Variants in IQCH observed in about 807,000 individuals in gnomAD.
IQCH encodes IQ domain-containing protein H.
In IQCH, 98 loss-of-function variants were observed where a neutral mutation model predicts 117.0. The observed-to-expected ratio is 0.84, with a 90% CI of 0.71 to 0.99. The LOEUF (loss-of-function observed/expected upper bound fraction) is 0.99, where lower values mean the gene tolerates loss of function less well. Among genes scored for constraint, IQCH ranks in the 50% least tolerant of loss-of-function variants. The pLI is 0.00. For missense variants in IQCH, 1,102 were observed against 1,243.8 expected (o/e 0.89, Z 1.72); for synonymous variants, 412 against 448.2 (o/e 0.92, Z 1.02).
intron 5 of IQCH, among the ~76,000 whole-genome samples, chr15:67,339,509 T>A (rs1042073989): frequency 2.0e-5 from 3 of 152,204 alleles, no homozygotes; most frequent in Non-Finnish European, 2.9e-5. Flanking sequence ...TTTATTTTCA[T>A]GTCTATAGAT....
At chr15:67,497,024 CAAAAAAA>C (rs753821092) in intron 20 of IQCH, among the ~76,000 whole-genome samples, 29 of 35,818 alleles carry the variant, frequency 8.1e-4, no homozygotes, top group East Asian at 1.4e-3. Flanking sequence ...GACTCCGTCT[CAAAAAAA>C]AAAAAAAAAA....
chr15:67,342,856 ATC>A lies in IQCH; in HGVS notation c.509-1204_509-1203del, dbSNP rs1969231915. ...TTCTCTAACTTCAGCGCACATGAAT[ATC>A]TCCTGGAGCCTTCAATAATGCAGAT... is the stretch of plus-strand genomic sequence containing the variant. On this transcript the variant is annotated intron_variant, in intron 5 of 20. Transcript: ENST00000335894. This position sits in a 1 kb window ranked among gnomAD's most constrained non-coding sequence, Gnocchi z 4.7. Among the ~76,000 whole-genome samples, 1 of 152,132 alleles carries A rather than the reference ATC, an allele frequency of 6.6e-6. No individual in the cohort carries two copies. Among genetic ancestry groups the A allele is most frequent in the Non-Finnish European group, 1.5e-5 (1 of 68,030 alleles).
In IQCH at chr15:67,254,813, GC is replaced by G; in HGVS notation, c.-82del. On this transcript the variant is annotated 5_prime_UTR_variant, in exon 1 of 21. Coordinates refer to ENST00000335894, the MANE Select transcript of IQCH (RefSeq NM_001031715.3). ...AACAGGCCAGGTCGCGCGCGGTGTT[GC>G]CATGGGGACGAGCGGCTCCGGCTGA... The G allele has an allele frequency of 6.8e-7, 1 of 1,466,866 alleles. No individual in the cohort carries two copies. The highest frequency in any genetic ancestry group is 9.4e-7 in the Non-Finnish European group (1 of 1,064,176). 90.9% of individuals were successfully genotyped at this position (1,466,866 alleles called of 1,614,324 possible).
chr15:67,320,688 A>G (rs1968075626), intron 4 of IQCH, among the ~76,000 whole-genome samples: 1 of 152,210 alleles, frequency 6.6e-6, no homozygotes, highest in Non-Finnish European at 1.5e-5. Flanking sequence ...TCTTTTATTA[A>G]TAGCTTTACA....
Position 67,411,035 on chromosome 15 carries a change from C to G in IQCH, c.2098-5896C>G, listed in dbSNP as rs2081436738. On this transcript the variant is annotated intron_variant, in intron 14 of 20. Coordinates refer to ENST00000335894, the MANE Select transcript of IQCH (RefSeq NM_001031715.3). This position sits in a 1 kb window ranked among gnomAD's most constrained non-coding sequence, Gnocchi z 4.4. ...AATGTAAACCACCCCCACCCCACCCCTGCACATGCCTACCATATGGTGAGC... is the reference window on the plus strand; with the variant it reads ...AATGTAAACCACCCCCACCCCACCCGTGCACATGCCTACCATATGGTGAGC... 6.6e-6 allele frequency among the ~76,000 whole-genome samples: 1 copy of G among 152,208 alleles called. No homozygotes were observed. Among genetic ancestry groups the G allele is most frequent in the African/African-American group, 2.4e-5 (1 of 41,438 alleles).
intron 2 of IQCH, among the ~76,000 whole-genome samples, chr15:67,262,865 G>C (rs942181968): frequency 6.6e-6 from 1 of 151,910 alleles, no homozygotes; most frequent in Admixed American, 6.6e-5. Flanking sequence ...CTGGGCAACA[G>C]AGCAAGACCC....
At chr15:67,345,311 C>T (rs559107403) in intron 6 of IQCH, among the ~76,000 whole-genome samples, 1 of 152,190 alleles carries the variant, frequency 6.6e-6, no homozygotes, top group African/African-American at 2.4e-5. Flanking sequence ...TAAACAGTTA[C>T]CTCCTCCTCC....
At chr15:67,281,861 C>A in intron 4 of IQCH, 1 of 430,408 alleles carries the variant, frequency 2.3e-6, no homozygotes. Context: ...ACAGTGATCT[C>A]TAAGAGTGTG....
intron 4 of IQCH, among the ~76,000 whole-genome samples, chr15:67,317,699 T>C (rs1394543703): frequency 1.3e-5 from 2 of 152,230 alleles, no homozygotes; most frequent in South Asian, 2.1e-4. Flanking sequence ...AAATATCTTC[T>C]AGGGTACCTT....
At chr15:67,269,696 C>T (rs1965820606) in intron 3 of IQCH, among the ~76,000 whole-genome samples, 1 of 10,750 alleles carries the variant, frequency 9.3e-5, no homozygotes, top group Non-Finnish European at 1.8e-4. Flanking sequence ...TTCATGAGAT[C>T]CACTTTTTTT....
chr15:67,270,241 G>T (rs891947566), intron 3 of IQCH, among the ~76,000 whole-genome samples: 1 of 152,106 alleles, frequency 6.6e-6, no homozygotes, highest in Non-Finnish European at 1.5e-5. Flanking sequence ...CTCTGGCCAG[G>T]ATTTCCAGTA....
chr15:67,322,408 G>C (rs905795670), intron 4 of IQCH, among the ~76,000 whole-genome samples: 3 of 152,118 alleles, frequency 2.0e-5, no homozygotes, highest in Admixed American at 2.0e-4. Context: ...GTAGCATTTA[G>C]TCATGTCCTG....
At chr15:67,329,064 T>C (rs929508890) in intron 4 of IQCH, among the ~76,000 whole-genome samples, 6 of 152,174 alleles carry the variant, frequency 3.9e-5, no homozygotes, top group African/African-American at 1.4e-4. Flanking sequence ...TTTGGAAGGC[T>C]GAGATGGGAG....
At chr15:67,336,825 G>T in intron 4 of IQCH, 150 bp from the exon 5 acceptor site, 1 of 649,820 alleles carries the variant, frequency 1.5e-6, no homozygotes, top group Non-Finnish European at 2.6e-6. Context: ...CAATAGCACA[G>T]GGTATTCATG....
intron 4 of IQCH, among the ~76,000 whole-genome samples, chr15:67,316,029 C>T (rs1409453108): frequency 6.6e-6 from 1 of 152,186 alleles, no homozygotes; most frequent in South Asian, 2.1e-4. Context: ...AAAAATAATT[C>T]TCCTTTCTCC....
chr15:67,434,976 TTTGTATC>T (rs2082102244), intron 16 of IQCH, among the ~76,000 whole-genome samples: 3 of 114,472 alleles, frequency 2.6e-5, no homozygotes, highest in Non-Finnish European at 5.4e-5. Flanking sequence ...ATTTTTGTAT[TTTGTATC>T]TTTGTTTTTT....
intron 4 of IQCH, among the ~76,000 whole-genome samples, chr15:67,321,530 T>C (rs188060385): frequency 4.0e-5 from 6 of 148,226 alleles, no homozygotes; most frequent in African/African-American, 1.0e-4. Context: ...TCTTTCTTTC[T>C]TTCCTTCCTT....
intron 15 of IQCH, among the ~76,000 whole-genome samples, chr15:67,420,001 T>C (rs1487174574): frequency 1.3e-5 from 2 of 152,226 alleles, no homozygotes; most frequent in African/African-American, 4.8e-5. Flanking sequence ...AGAGACTCAC[T>C]AGGTTTTTTA....
chr15:67,275,728 A>G (rs184279862), intron 3 of IQCH, among the ~76,000 whole-genome samples: 1 of 152,108 alleles, frequency 6.6e-6, no homozygotes, highest in African/African-American at 2.4e-5. Context: ...AAAAATTTTT[A>G]AATTTGCTGA....
Sources: gnomAD v4.1 joint callset for allele counts (sites outside exome capture counted in the v4.1 genomes callset) on GRCh38, gnomAD v4.1.1 for gene constraint, Gnocchi (gnomAD v3.1) non-coding constraint, MANE v1.5 for transcripts, NCBI Gene and HGNC (gene_info 2026-07-23, HGNC 2026-07-21) for gene names.